PHACTR1: variants seen among roughly 807,000 people sequenced by gnomAD.
PHACTR1 encodes the protein RPEL repeat containing 1.
In PHACTR1, 16 loss-of-function variants were observed where a neutral mutation model predicts 69.2. The observed-to-expected ratio is 0.23, with a 90% CI of 0.16 to 0.35. PHACTR1 has a LOEUF of 0.35. PHACTR1 is among the 10% of genes least tolerant of loss of function. The probability of loss-of-function intolerance (pLI) is 1.00; values close to 1 mark genes in which losing one functional copy is unlikely to be tolerated. For missense variants in PHACTR1, 510 were observed against 734.7 expected (o/e 0.69, Z 3.54); for synonymous variants, 312 against 284.5 (o/e 1.10, Z -0.97).
chr6:12,920,124 T>TA (rs1787476406), intron 4 of PHACTR1, among the ~76,000 whole-genome samples: 1 of 152,242 alleles, frequency 6.6e-6, no homozygotes, highest in South Asian at 2.1e-4. Flanking sequence ...TTGCTGTTGT[T>TA]ACTGTTAACA....
chr6:13,162,924 A>G (rs745999793), intron 6 of PHACTR1, among the ~76,000 whole-genome samples: 3 of 151,968 alleles, frequency 2.0e-5, no homozygotes, highest in Non-Finnish European at 4.4e-5. Flanking sequence ...ATCAGCACAC[A>G]TGGAGCTGAC....
intron 4 of PHACTR1, among the ~76,000 whole-genome samples, chr6:12,758,819 A>G (rs1372270303): frequency 1.3e-5 from 2 of 152,158 alleles, no homozygotes; most frequent in African/African-American, 2.4e-5. Flanking sequence ...ATCCTACCCT[A>G]GTATTAAAAA....
At chr6:12,931,302 C>T (rs1788844795) in intron 4 of PHACTR1, among the ~76,000 whole-genome samples, 2 of 152,156 alleles carry the variant, frequency 1.3e-5, no homozygotes, top group African/African-American at 4.8e-5. Context: ...CCAAAAGTTA[C>T]ATACATTATT....
chr6:13,115,241 G>A (rs879476749), intron 5 of PHACTR1, among the ~76,000 whole-genome samples: 2 of 152,124 alleles, frequency 1.3e-5, no homozygotes, highest in Admixed American at 6.5e-5. Flanking sequence ...CACTGCCAGA[G>A]AACTGTTTGG....
intron 4 of PHACTR1, among the ~76,000 whole-genome samples, chr6:12,835,275 G>A (rs892148760): frequency 6.6e-6 from 1 of 151,978 alleles, no homozygotes; most frequent in Non-Finnish European, 1.5e-5. Context: ...GTGGAGAGAG[G>A]AAAATGAGGT....
chr6:12,791,603 C>A (rs1416341451), intron 4 of PHACTR1, among the ~76,000 whole-genome samples: 1 of 152,156 alleles, frequency 6.6e-6, no homozygotes, highest in Non-Finnish European at 1.5e-5. Flanking sequence ...GGCTTTGAAG[C>A]CTCATGCTTG....
chr6:12,844,212 T>C (rs1778973253), intron 4 of PHACTR1, among the ~76,000 whole-genome samples: 1 of 152,010 alleles, frequency 6.6e-6, no homozygotes, highest in Non-Finnish European at 1.5e-5. Flanking sequence ...CTGGGCAACA[T>C]AGCAAGATTC....
intron 10 of PHACTR1, among the ~76,000 whole-genome samples, chr6:13,241,637 G>A (rs1419621810): frequency 2.6e-5 from 4 of 152,152 alleles, no homozygotes; most frequent in Non-Finnish European, 5.9e-5. Flanking sequence ...AGCACCAAAT[G>A]AGTAAGACTT....
intron 4 of PHACTR1, among the ~76,000 whole-genome samples, chr6:12,861,488 G>C (rs74449970): frequency 0.013 from 2,001 of 152,288 alleles, 35 homozygotes; most frequent in Non-Finnish European, 0.022. Context: ...ATGCTGAATT[G>C]AAAAGAGGAA....
At chr6:12,957,437 A>T (rs1015246872) in intron 4 of PHACTR1, 42 of 985,252 alleles carry the variant, frequency 4.3e-5, no homozygotes, top group Non-Finnish European at 4.9e-5. Flanking sequence ...TTTCTGTTTC[A>T]TTTTGAAATG....
chr6:12,738,762 G>C (rs1188222332), intron 3 of PHACTR1, among the ~76,000 whole-genome samples: 1 of 152,114 alleles, frequency 6.6e-6, no homozygotes. Context: ...ACTCAAGTGG[G>C]CTGAGGCAGG....
chr6:12,904,934 A>G (rs1022802237), intron 4 of PHACTR1, among the ~76,000 whole-genome samples: 5 of 152,200 alleles, frequency 3.3e-5, no homozygotes, highest in Non-Finnish European at 5.9e-5. Context: ...GCACTCAGCA[A>G]TAAGTGCTAT....
At chr6:13,017,297 A>C (rs1350092514) in intron 4 of PHACTR1, among the ~76,000 whole-genome samples, 1 of 151,970 alleles carries the variant, frequency 6.6e-6, no homozygotes, top group African/African-American at 2.4e-5. Context: ...CCTACACTGA[A>C]TGTGGAACAT....
chr6:12,995,758 A>C (rs535852339), intron 4 of PHACTR1, among the ~76,000 whole-genome samples: 1 of 152,176 alleles, frequency 6.6e-6, no homozygotes, highest in South Asian at 2.1e-4. Context: ...AAATGATTAA[A>C]ATTACGAGGG....
At chr6:12,810,272 C>G (rs1447647385) in intron 4 of PHACTR1, among the ~76,000 whole-genome samples, 1 of 152,186 alleles carries the variant, frequency 6.6e-6, no homozygotes, top group Non-Finnish European at 1.5e-5. Flanking sequence ...CAAAATTGCT[C>G]CTGGCTTCAT....
chr6:12,721,250 G>A (rs1028150130), intron 3 of PHACTR1, among the ~76,000 whole-genome samples: 18 of 152,234 alleles, frequency 1.2e-4, no homozygotes, highest in African/African-American at 4.3e-4. Flanking sequence ...GCCAGGCGCA[G>A]TGGCATGCCT....
At chr6:12,819,808 G>A (rs944521626) in intron 4 of PHACTR1, among the ~76,000 whole-genome samples, 3 of 152,188 alleles carry the variant, frequency 2.0e-5, no homozygotes, top group African/African-American at 7.2e-5. Context: ...AACATCAAAT[G>A]CGAGCAGAAA....
chr6:12,957,570 G>A lies in PHACTR1; in HGVS notation c.251-95795G>A, dbSNP rs908232123. On this transcript the variant is annotated intron_variant, in intron 4 of 14. Transcript: ENST00000332995. ...GTAAGAGGCAGTCTGTGCCCCACCGGCTGGAGGCTGCCACTTTAGAGACGT... is the reference window on the plus strand; with the variant it reads ...GTAAGAGGCAGTCTGTGCCCCACCGACTGGAGGCTGCCACTTTAGAGACGT... 13 of 985,580 alleles carry A rather than the reference G, an allele frequency of 1.3e-5. 1 individual carries two copies. The highest frequency in any genetic ancestry group is 1.4e-5 in the Non-Finnish European group (12 of 830,146). The allele number at this position is 985,580 out of a possible 1,614,324, so 61.1% of individuals were successfully genotyped here. A position where few individuals can be genotyped will look rare whatever the true frequency, so the allele number is the denominator to read the frequency against.
chr6:13,132,043 A>T (rs1820550762), intron 5 of PHACTR1, among the ~76,000 whole-genome samples: 1 of 152,258 alleles, frequency 6.6e-6, no homozygotes, highest in Non-Finnish European at 1.5e-5. Flanking sequence ...AAATTCAAAT[A>T]GTCACCCACT....
Sources: gnomAD v4.1 joint callset for allele counts (sites outside exome capture counted in the v4.1 genomes callset) on GRCh38, gnomAD v4.1.1 for gene constraint, MANE v1.5 for transcripts, NCBI Gene and HGNC (gene_info 2026-07-23, HGNC 2026-07-21) for gene names.